The following MTMR8 variants were observed in gnomAD, a reference collection of about 807,000 sequenced individuals.
MTMR8 encodes the protein phosphatidylinositol-3,5-bisphosphate 3-phosphatase MTMR8.
In MTMR8, 65 loss-of-function variants were observed where a neutral mutation model predicts 39.3. The ratio of observed to expected loss-of-function variants is 1.65; its 90% CI spans 1.35 to 2.03. The LOEUF (loss-of-function observed/expected upper bound fraction) is 2.03, where lower values mean the gene tolerates loss of function less well. MTMR8 is among the 30% of genes most tolerant of loss of function. The pLI is 0.00. For synonymous variants in MTMR8, 245 were observed against 185.2 expected, an observed-to-expected ratio of 1.32 and a Z score of -2.62; for missense variants, 777 against 538.9, an observed-to-expected ratio of 1.44 and a Z score of -4.37.
intron 4 of MTMR8, among the ~76,000 whole-genome samples, chrX:64,351,855 A>G (rs1270474552): frequency 9.0e-6 from 1 of 111,068 alleles, no homozygotes; most frequent in East Asian, 2.9e-4. Flanking sequence ...TTCTAGCTGC[A>G]CTGGCAGCTG....
intron 1 of MTMR8, among the ~76,000 whole-genome samples, chrX:64,383,890 C>T (rs765654707): frequency 9.0e-5 from 10 of 111,444 alleles, no homozygotes; most frequent in Non-Finnish European, 1.7e-4. Context: ...TACAATCATG[C>T]CTTCCCAATC....
At chrX:64,322,981 G>A (rs912538683) in intron 12 of MTMR8, among the ~76,000 whole-genome samples, 1 of 112,837 alleles carries the variant, frequency 8.9e-6, no homozygotes, top group Non-Finnish European at 1.9e-5. Flanking sequence ...CACCAGCCAG[G>A]TTCACTGTCC....
chrX:64,344,912 T>C (rs2147227531), intron 7 of MTMR8, 133 bp downstream of exon 7: 1 of 614,909 alleles, frequency 1.6e-6, no homozygotes, highest in East Asian at 3.5e-5. Context: ...TGTACAATAG[T>C]TAAACACCTA....
intron 12 of MTMR8, among the ~76,000 whole-genome samples, chrX:64,273,410 G>C (rs1301265774): frequency 9.7e-6 from 1 of 103,151 alleles, no homozygotes; most frequent in Non-Finnish European, 1.9e-5. Context: ...AGTTACAAAG[G>C]AAATACCTAC....
chrX:64,333,464 C>A (rs1377434665), intron 10 of MTMR8, among the ~76,000 whole-genome samples: 4 of 111,966 alleles, frequency 3.6e-5, no homozygotes, highest in African/African-American at 1.3e-4. Flanking sequence ...TTCATTATAG[C>A]TCAAGCTAAT....
At chrX:64,298,897 A>G (rs1323050521) in intron 12 of MTMR8, among the ~76,000 whole-genome samples, 4 of 55,796 alleles carry the variant, frequency 7.2e-5, no homozygotes, top group Non-Finnish European at 1.1e-4. Flanking sequence ...ATTTGCGTAT[A>G]TTGAACCAGC....
chrX:64,381,323 A>T (rs1924412490), intron 1 of MTMR8, among the ~76,000 whole-genome samples: 1 of 111,880 alleles, frequency 8.9e-6, no homozygotes, highest in African/African-American at 3.2e-5. Context: ...TGTGGTTTAA[A>T]ACAATGTGCA....
At chrX:64,335,693 C>A (rs1414139469) in intron 10 of MTMR8, among the ~76,000 whole-genome samples, 2 of 111,799 alleles carry the variant, frequency 1.8e-5, no homozygotes, top group East Asian at 5.7e-4. Flanking sequence ...ATGACCTCAT[C>A]ATTCCCTTGT....
At chrX:64,362,471 GAA>G (rs760545171) in intron 1 of MTMR8, among the ~76,000 whole-genome samples, 3 of 5,490 alleles carry the variant, frequency 5.5e-4, no homozygotes, top group South Asian at 0.018. Context: ...TACTATTGCA[GAA>G]AAAAAAAAAA....
chrX:64,281,138 G>A (rs184012440), intron 12 of MTMR8, among the ~76,000 whole-genome samples: 7 of 111,306 alleles, frequency 6.3e-5, no homozygotes, highest in Non-Finnish European at 1.3e-4. Context: ...GTAATTTAGA[G>A]ATTCAATGCT....
At chrX:64,390,678 A>G (rs146947026) in intron 1 of MTMR8, among the ~76,000 whole-genome samples, 1,655 of 110,821 alleles carry the variant, frequency 0.015, 36 homozygotes, top group African/African-American at 0.05. Context: ...TTGAAACAGG[A>G]TGTCACTCTG....
intron 12 of MTMR8, among the ~76,000 whole-genome samples, chrX:64,326,355 G>A (rs1346051653): frequency 9.0e-6 from 1 of 111,584 alleles, no homozygotes; most frequent in African/African-American, 3.3e-5. Flanking sequence ...AACAAATTCA[G>A]TAAAGTTGCA....
At chrX:64,292,414 C>A (rs1323571599) in intron 12 of MTMR8, among the ~76,000 whole-genome samples, 1 of 111,076 alleles carries the variant, frequency 9.0e-6, no homozygotes, top group Non-Finnish European at 1.9e-5. Context: ...AAAGTAGGTG[C>A]ATGTTGGACC....
rs886995743 is a variant in MTMR8 at position 64,337,320 on chromosome X, G to A, written c.1049C>T (p.Ser350Leu). 1 of 1,209,704 alleles carries A rather than the reference G, an allele frequency of 8.3e-7. No homozygotes were observed. Among genetic ancestry groups the A allele is most frequent in the Admixed American group, 2.2e-5 (1 of 45,994 alleles). Residue 350 changes from serine (S) to leucine (L), a missense_variant, in exon 9 of 14, where the codon TCA becomes TTA. By Grantham distance (145) the Ser-to-Leu change is moderately radical (BLOSUM62 -2). Transcript: ENST00000374852. The part of the protein sequence containing the change: ...DGWDRTAQVC[S>L]VASILLDPFY... Reference sequence around the variant, plus strand: ...TGGATCTAGGAGGATGCTAGCCACTGAGCAGACTTGTGCTGTGCGGTCCCA... The same window carrying A: ...TGGATCTAGGAGGATGCTAGCCACTAAGCAGACTTGTGCTGTGCGGTCCCA...
Position 64,348,682 on chromosome X carries a change from T to C in MTMR8, c.710A>G (p.Tyr237Cys). The C allele has an allele frequency of 2.5e-6, 3 of 1,210,823 alleles. No homozygotes were observed. Among genetic ancestry groups the C allele is most frequent in the Non-Finnish European group, 1.1e-6 (1 of 894,927 alleles). ...TACCTTTGGTCTTGTGTCTACAACA[T>C]ACATAAACTGGCTCCCTGGGTTTGT... The part of the protein sequence containing the change: ...SQTNPGSQFM[Y>C]VVDTRPKLNA... The change falls in exon 6 of 14, where the codon TAT becomes TGT. Residue 237 changes from tyrosine (Y) to cysteine (C), a missense_variant. Physicochemically the swap from Tyr to Cys is radical, Grantham distance 194 (BLOSUM62 -2). Coordinates refer to ENST00000374852, the MANE Select transcript of MTMR8 (RefSeq NM_017677.4).
chrX:64,343,116 C>T (rs1325618544), intron 8 of MTMR8, among the ~76,000 whole-genome samples: 6 of 111,449 alleles, frequency 5.4e-5, no homozygotes, highest in African/African-American at 2.0e-4. Context: ...GTTCTGAAAA[C>T]TCATAGATAC....
intron 12 of MTMR8, among the ~76,000 whole-genome samples, chrX:64,302,583 C>G (rs968218434): frequency 8.9e-6 from 1 of 112,360 alleles, no homozygotes; most frequent in African/African-American, 3.2e-5. Context: ...GCCATCTTGG[C>G]TCCTCCCCTC....
intron 12 of MTMR8, among the ~76,000 whole-genome samples, chrX:64,315,054 G>C (rs1342153037): frequency 8.9e-6 from 1 of 111,904 alleles, no homozygotes; most frequent in African/African-American, 3.3e-5. Context: ...AGCAAGTCGA[G>C]TTAGGGGGAT....
rs750507967 is a variant in MTMR8 at position 64,359,503 on chromosome X, G to A, written c.49C>T (p.Arg17Cys). 66 of 1,199,131 alleles carry A rather than the reference G, an allele frequency of 5.5e-5. No homozygotes were observed. The highest frequency in any genetic ancestry group is 7.0e-5 in the African/African-American group (4 of 56,762). ...PKVENVKLVDRYVSKKPANGI... is the reference protein window; with the variant it reads ...PKVENVKLVDCYVSKKPANGI... ...TTAGCTGGTTTCTTACTCACATAAC[G>A]ATCCACCAATTTCACGTTTTCTACC... The change falls in exon 2 of 14, where the codon CGT becomes TGT. Residue 17 changes from arginine to cysteine, a missense_variant. By Grantham distance (180) the Arg-to-Cys change is radical (BLOSUM62 -3). Coordinates refer to ENST00000374852, the MANE Select transcript of MTMR8 (RefSeq NM_017677.4).
Sources: gnomAD v4.1 joint callset for allele counts (sites outside exome capture counted in the v4.1 genomes callset) on GRCh38, gnomAD v4.1.1 for gene constraint, MANE v1.5 for transcripts, NCBI Gene and HGNC (gene_info 2026-07-23, HGNC 2026-07-21) for gene names.